BDP1: variants seen among roughly 807,000 people sequenced by gnomAD.
BDP1 encodes the protein BDP1 general transcription factor IIIB subunit.
Under a neutral mutation model 266.6 loss-of-function variants are expected in BDP1, and 169 were observed. The ratio of observed to expected loss-of-function variants is 0.63; its 90% CI spans 0.56 to 0.72. BDP1 has a LOEUF of 0.72. Ranked by LOEUF, BDP1 falls within the 30% of genes least tolerant of loss-of-function variation. BDP1 has a pLI of 0.00. For synonymous variants in BDP1, 1,090 were observed against 1,022.4 expected, an observed-to-expected ratio of 1.07 and a Z score of -1.26; for missense variants, 3,015 against 3,053.8, an observed-to-expected ratio of 0.99 and a Z score of 0.30.
At chr5:71,505,757 A>G (rs1764543757) in intron 16 of BDP1, among the ~76,000 whole-genome samples, 1 of 152,154 alleles carries the variant, frequency 6.6e-6, no homozygotes, top group Non-Finnish European at 1.5e-5. Flanking sequence ...GCTACATGGA[A>G]GGCTGAAGGA....
Position 71,513,212 on chromosome 5 carries a change from A to T in BDP1, c.4275A>T (p.Pro1425=), listed in dbSNP as rs1011060629. The change falls in exon 19 of 39, where the codon CCA becomes CCT. Residue 1425 remains proline, a synonymous_variant. Coordinates refer to ENST00000358731, the MANE Select transcript of BDP1 (RefSeq NM_018429.3). ...LSKSLPQEQK[P]LEIKPAPFVR... ...AATCTCTTCCTCAAGAACAGAAGCCACTTGAAATTAAACCAGCACCTTTTG... is the reference window on the plus strand; with the variant it reads ...AATCTCTTCCTCAAGAACAGAAGCCTCTTGAAATTAAACCAGCACCTTTTG... 3.1e-5 allele frequency: 50 copies of T among 1,612,878 alleles called. No homozygotes were observed. Among genetic ancestry groups the T allele is most frequent in the Non-Finnish European group, 4.2e-5 (49 of 1,179,828 alleles).
At chr5:71,483,177 C>T (rs1763061219) in intron 7 of BDP1, among the ~76,000 whole-genome samples, 1 of 151,512 alleles carries the variant, frequency 6.6e-6, no homozygotes, top group South Asian at 2.1e-4. Flanking sequence ...AGATGGGAAA[C>T]ATTGGCTGTT....
intron 20 of BDP1, 109 bp downstream of exon 20, chr5:71,515,231 T>A (rs1269399157): frequency 2.3e-6 from 2 of 874,014 alleles, no homozygotes; most frequent in Admixed American, 3.3e-5. Context: ...ACATAAAGAA[T>A]ATTGGTTTAA....
rs1763962412 is a variant in BDP1 at position 71,497,392 on chromosome 5, G to A, written c.1922G>A (p.Ser641Asn). The change falls in exon 13 of 39, where the codon AGC becomes AAC. Residue 641 changes from serine (S) to asparagine (N), a missense_variant. By Grantham distance (46) the Ser-to-Asn change is conservative. Transcript: ENST00000358731. ...VLSQGKTESESKNSHSKTSVE... is the reference protein window; with the variant it reads ...VLSQGKTESENKNSHSKTSVE... ...TCACAAGGCAAAACAGAGTCAGAGA[G>A]CAAGAATTCACATTCAAAAACTTCA... 1.2e-6 allele frequency: 2 copies of A among 1,613,282 alleles called. No individual in the cohort carries two copies. Among genetic ancestry groups the A allele is most frequent in the East Asian group, 2.2e-5 (1 of 44,822 alleles).
intron 7 of BDP1, among the ~76,000 whole-genome samples, chr5:71,479,283 C>T (rs573608307): frequency 6.7e-4 from 101 of 151,184 alleles, no homozygotes; most frequent in African/African-American, 2.3e-3. Context: ...CCTAGTGATC[C>T]GCCTGCCTCA....
Position 71,516,407 on chromosome 5 carries a change from G to A in BDP1, c.4860+136G>A. ...GAATACAGTTTCCAGTTTTGTTTCAGATTTGCTCTTCTGGATTTTTTTTTT... is the reference window on the plus strand; with the variant it reads ...GAATACAGTTTCCAGTTTTGTTTCAAATTTGCTCTTCTGGATTTTTTTTTT... On this transcript the variant is annotated intron_variant, in intron 21 of 38. Transcript: ENST00000358731. 1.1e-5 allele frequency: 7 copies of A among 630,654 alleles called. No homozygotes were observed. The South Asian group carries it at 1.5e-4, about 13-fold the overall frequency. The allele number at this position is 630,654 out of a possible 1,614,324, so 39.1% of individuals were successfully genotyped here.
intron 11 of BDP1, 91 bp downstream of exon 11, chr5:71,491,222 T>C: frequency 8.0e-7 from 1 of 1,251,518 alleles, no homozygotes; most frequent in East Asian, 2.4e-5. Flanking sequence ...TGGATTTGCC[T>C]GTTTCTTTTT....
chr5:71,555,493 G>A (rs1175404541), intron 35 of BDP1, among the ~76,000 whole-genome samples: 2 of 148,532 alleles, frequency 1.3e-5, no homozygotes. Context: ...AGGCTGGAGT[G>A]CAATAGCGTG....
chr5:71,500,000 A>G (rs938137674), intron 13 of BDP1, among the ~76,000 whole-genome samples: 7 of 152,302 alleles, frequency 4.6e-5, no homozygotes, highest in South Asian at 4.1e-4. Context: ...ATTGTTATGC[A>G]TTGTGAAACT....
Position 71,455,893 on chromosome 5 carries a change from C to T in BDP1, c.16C>T (p.Arg6Cys). ...TGCCTCCGCCATGTTCCGCAGGGCA[C>T]GCCTTAGCGTGAAGCCGAATGTCAG... MFRRA[R>C]LSVKPNVRPG... Residue 6 changes from arginine to cysteine, a missense_variant, in exon 1 of 39, where the codon CGC (arginine) becomes TGC (cysteine). By Grantham distance (180) the Arg-to-Cys change is radical. Transcript: ENST00000358731. The T allele has an allele frequency of 6.3e-7, 1 of 1,594,644 alleles. No individual in the cohort carries two copies. Among genetic ancestry groups the T allele is most frequent in the Non-Finnish European group, 8.5e-7 (1 of 1,171,026 alleles).
chr5:71,531,837 C>T (rs973516545), intron 25 of BDP1, among the ~76,000 whole-genome samples: 1 of 152,170 alleles, frequency 6.6e-6, no homozygotes, highest in African/African-American at 2.4e-5. Flanking sequence ...GCTTTCAACT[C>T]ATTATAGATA....
At chr5:71,500,180 A>G (rs1394633090) in intron 13 of BDP1, among the ~76,000 whole-genome samples, 1 of 152,030 alleles carries the variant, frequency 6.6e-6, no homozygotes, top group Non-Finnish European at 1.5e-5. Context: ...TTTATAGTAC[A>G]GTTACATTAT....
chr5:71,577,865 G>A, the BDP1 span, among the ~76,000 whole-genome samples: 1 of 152,194 alleles, frequency 6.6e-6, no homozygotes, highest in Non-Finnish European at 1.5e-5. Flanking sequence ...GAGAATGAAA[G>A]CTACCCAGCC....
intron 38 of BDP1, among the ~76,000 whole-genome samples, chr5:71,564,119 A>G (rs543683779): frequency 5.3e-5 from 8 of 152,208 alleles, no homozygotes; most frequent in Admixed American, 4.6e-4. Flanking sequence ...TAATAATACA[A>G]TAACTGTTTT....
chr5:71,492,570 A>C (rs186962574), intron 11 of BDP1, among the ~76,000 whole-genome samples: 2 of 152,166 alleles, frequency 1.3e-5, no homozygotes, highest in Admixed American at 6.5e-5. Flanking sequence ...CCTGTGCCCA[A>C]TTTTTTAATT....
intron 7 of BDP1, among the ~76,000 whole-genome samples, chr5:71,477,859 A>G (rs755592839): frequency 5.3e-5 from 8 of 151,962 alleles, no homozygotes; most frequent in African/African-American, 1.7e-4. Context: ...GGCTCAAGCA[A>G]TCTGCCGCCT....
chr5:71,484,345 A>G (rs937757984), intron 8 of BDP1, among the ~76,000 whole-genome samples: 1 of 152,206 alleles, frequency 6.6e-6, no homozygotes, highest in African/African-American at 2.4e-5. Context: ...TGGAAGATAA[A>G]TGGCAGATGA....
At chr5:71,518,474 G>A (rs576921351) in intron 22 of BDP1, among the ~76,000 whole-genome samples, 4 of 152,208 alleles carry the variant, frequency 2.6e-5, no homozygotes, top group Admixed American at 1.3e-4. Flanking sequence ...TTTGAGACAA[G>A]GTGTCTCACT....
intron 28 of BDP1, among the ~76,000 whole-genome samples, chr5:71,540,809 A>T (rs1000145817): frequency 6.6e-6 from 1 of 152,104 alleles, no homozygotes; most frequent in Non-Finnish European, 1.5e-5. Flanking sequence ...ATGGTGGTGT[A>T]CACTTGTAGT....
Sources: gnomAD v4.1 joint callset for allele counts (sites outside exome capture counted in the v4.1 genomes callset) on GRCh38, gnomAD v4.1.1 for gene constraint, MANE v1.5 for transcripts, NCBI Gene and HGNC (gene_info 2026-07-23, HGNC 2026-07-21) for gene names.